EYS: variants seen among roughly 807,000 people sequenced by gnomAD.
The protein encoded by EYS is EGF-like photoreceptor maintenance factor.
Under a neutral mutation model 282.1 loss-of-function variants are expected in EYS, and 250 were observed. The ratio of observed to expected loss-of-function variants is 0.89; its 90% CI spans 0.80 to 0.98. The LOEUF is 0.98. Ranked by LOEUF, EYS falls within the 50% of genes least tolerant of loss-of-function variation. The pLI is 0.00. For synonymous variants in EYS, 1,355 were observed against 1,282.9 expected, an observed-to-expected ratio of 1.06 and a Z score of -1.20; for missense variants, 4,016 against 3,709.0, an observed-to-expected ratio of 1.08 and a Z score of -2.15.
chr6:64,474,868 A>G (rs888187027), intron 26 of EYS, among the ~76,000 whole-genome samples: 2 of 152,158 alleles, frequency 1.3e-5, no homozygotes, highest in Non-Finnish European at 2.9e-5. Flanking sequence ...GTGTTGTTTC[A>G]GTGGTACTTT....
intron 22 of EYS, among the ~76,000 whole-genome samples, chr6:64,712,054 T>C (rs1771232212): frequency 6.6e-6 from 1 of 152,218 alleles, no homozygotes; most frequent in Non-Finnish European, 1.5e-5. Context: ...TCCAAGGATT[T>C]AACTCGTAAC....
intron 1 of EYS, among the ~76,000 whole-genome samples, chr6:65,658,949 G>T (rs1025287345): frequency 6.6e-6 from 1 of 151,146 alleles, no homozygotes; most frequent in Non-Finnish European, 1.5e-5. Context: ...GGTCTAGAAG[G>T]TTTGTTTAGC....
intron 12 of EYS, among the ~76,000 whole-genome samples, chr6:65,124,950 G>T (rs1171365877): frequency 1.3e-5 from 2 of 152,150 alleles, no homozygotes; most frequent in East Asian, 3.9e-4. Context: ...CCTTCTTGAA[G>T]CATGTGTGCA....
At chr6:64,940,828 G>A (rs983709761) in intron 15 of EYS, among the ~76,000 whole-genome samples, 2 of 151,954 alleles carry the variant, frequency 1.3e-5, no homozygotes, top group African/African-American at 4.8e-5. Context: ...CAAAAAATTA[G>A]AAACATTTGT....
At chr6:65,617,325 G>A (rs1227407838) in intron 2 of EYS, among the ~76,000 whole-genome samples, 1 of 152,066 alleles carries the variant, frequency 6.6e-6, no homozygotes, top group Non-Finnish European at 1.5e-5. Flanking sequence ...TAGTTTACTA[G>A]TGACAGTCAG....
chr6:65,102,082 T>C (rs552316520), intron 12 of EYS, among the ~76,000 whole-genome samples: 7 of 151,452 alleles, frequency 4.6e-5, no homozygotes, highest in African/African-American at 1.4e-4. Context: ...AAATTAATTA[T>C]ATTTTATTGT....
intron 29 of EYS, among the ~76,000 whole-genome samples, chr6:64,351,826 T>C (rs142757574): frequency 1.3e-3 from 200 of 151,698 alleles, no homozygotes; most frequent in Non-Finnish European, 2.2e-3. Context: ...ATATGACATA[T>C]GGTGATACAA....
intron 26 of EYS, among the ~76,000 whole-genome samples, chr6:64,559,607 A>C (rs1765336106): frequency 6.6e-6 from 1 of 152,116 alleles, no homozygotes; most frequent in African/African-American, 2.4e-5. Context: ...ATGTTTGAAC[A>C]GGATTTTGCA....
At chr6:65,403,167 A>G (rs1035861653) in intron 6 of EYS, among the ~76,000 whole-genome samples, 6 of 152,086 alleles carry the variant, frequency 3.9e-5, no homozygotes, top group African/African-American at 1.4e-4. Flanking sequence ...ACAGTACCAT[A>G]AGAGATAATA....
At chr6:65,196,641 A>AACACACAC (rs1326422215) in intron 12 of EYS, among the ~76,000 whole-genome samples, 14 of 152,080 alleles carry the variant, frequency 9.2e-5, no homozygotes, top group Non-Finnish European at 1.8e-4. Flanking sequence ...AGAGACAGAA[A>AACACACAC]ACACACACAT....
chr6:64,718,031 T>G (rs989187629), intron 22 of EYS, among the ~76,000 whole-genome samples: 2 of 152,250 alleles, frequency 1.3e-5, no homozygotes, highest in Admixed American at 1.3e-4. Flanking sequence ...TGCTCTGAGC[T>G]GTTCTGCCTC....
intron 1 of EYS, among the ~76,000 whole-genome samples, chr6:65,688,383 T>C (rs948911564): frequency 6.6e-6 from 1 of 152,134 alleles, no homozygotes; most frequent in African/African-American, 2.4e-5. Flanking sequence ...TGGCCATATG[T>C]AGAAAGCTGA....
At chr6:64,748,480 G>A (rs909141196) in intron 22 of EYS, among the ~76,000 whole-genome samples, 1 of 152,174 alleles carries the variant, frequency 6.6e-6, no homozygotes, top group Non-Finnish European at 1.5e-5. Context: ...GAGAATCTAA[G>A]GCATTAGCAT....
chr6:65,512,322 T>G (rs1582397876), intron 2 of EYS, among the ~76,000 whole-genome samples: 2 of 151,406 alleles, frequency 1.3e-5, no homozygotes, highest in African/African-American at 4.9e-5. Context: ...GAAACCCCAT[T>G]TCTACTAAAA....
intron 2 of EYS, among the ~76,000 whole-genome samples, chr6:65,619,096 A>T (rs994210016): frequency 6.6e-6 from 1 of 151,776 alleles, no homozygotes; most frequent in Admixed American, 6.6e-5. Context: ...GAAGAAAGGC[A>T]TTGGTAGATT....
chr6:64,439,584 A>G (rs368090085), intron 26 of EYS, among the ~76,000 whole-genome samples: 14 of 151,914 alleles, frequency 9.2e-5, no homozygotes, highest in African/African-American at 2.6e-4. Flanking sequence ...AATCAAGATG[A>G]TTACTCTTCA....
intron 26 of EYS, among the ~76,000 whole-genome samples, chr6:64,489,295 G>A (rs1284912958): frequency 6.6e-6 from 1 of 150,708 alleles, no homozygotes; most frequent in Non-Finnish European, 1.5e-5. Flanking sequence ...GATTTTAACT[G>A]TGGTTAAGGG....
chr6:65,394,692 A>T (rs1766205532), intron 7 of EYS, among the ~76,000 whole-genome samples: 1 of 152,122 alleles, frequency 6.6e-6, no homozygotes, highest in African/African-American at 2.4e-5. Flanking sequence ...TATCCCAGGA[A>T]GCCAGTGGTT....
intron 5 of EYS, among the ~76,000 whole-genome samples, chr6:65,414,526 A>G (rs1001347120): frequency 3.3e-4 from 50 of 152,156 alleles, no homozygotes; most frequent in African/African-American, 1.2e-3. Context: ...AAGTACAGTC[A>G]TCTACATTTG....
Sources: allele counts gnomAD v4.1 joint callset (sites outside exome capture counted in the v4.1 genomes callset), GRCh38; gene constraint gnomAD v4.1.1; transcripts MANE v1.5; gene names NCBI Gene and HGNC (gene_info 2026-07-23, HGNC 2026-07-21).